The following UBAP2L variants were observed in gnomAD, a reference collection of about 807,000 sequenced individuals.
UBAP2L encodes ubiquitin-associated protein 2-like.
A neutral mutation model predicts 130.6 loss-of-function variants in UBAP2L; 12 were observed. The observed-to-expected ratio is 0.09, with a 90% CI of 0.06 to 0.15. UBAP2L has a LOEUF of 0.15. Ranked by LOEUF, UBAP2L falls within the 10% of genes least tolerant of loss-of-function variation. The probability of loss-of-function intolerance (pLI) is 1.00; values close to 1 mark genes in which losing one functional copy is unlikely to be tolerated. For missense variants in UBAP2L, 965 were observed against 1,332.5 expected, an observed-to-expected ratio of 0.72 and a Z score of 4.29; for synonymous variants, 503 against 524.7, an observed-to-expected ratio of 0.96 and a Z score of 0.57.
intron 4 of UBAP2L, among the ~76,000 whole-genome samples, chr1:154,230,270 A>C (rs1417013044): frequency 6.6e-6 from 1 of 152,182 alleles, no homozygotes; most frequent in Admixed American, 6.5e-5. Context: ...GCCTTCCAAA[A>C]TGTTAGGATT....
chr1:154,230,982 A>G (rs1232232182), intron 4 of UBAP2L, among the ~76,000 whole-genome samples: 1 of 152,226 alleles, frequency 6.6e-6, no homozygotes, highest in Non-Finnish European at 1.5e-5. Context: ...TTTTGAGTCT[A>G]GCTTCCAGAG....
At chr1:154,232,300 G>A (rs972425215) in intron 4 of UBAP2L, among the ~76,000 whole-genome samples, 1 of 151,050 alleles carries the variant, frequency 6.6e-6, no homozygotes, top group African/African-American at 2.4e-5. Flanking sequence ...CTCCAGCATG[G>A]TGACAAAGTG....
intron 5 of UBAP2L, 101 bp downstream of exon 5, chr1:154,234,860 T>C: frequency 1.3e-6 from 2 of 1,489,568 alleles, no homozygotes; most frequent in Non-Finnish European, 1.8e-6. Flanking sequence ...ACCATTATAT[T>C]ATCCTTTTGC....
chr1:154,221,471 C>T (rs1666050987), intron 1 of UBAP2L: 3 of 152,978 alleles, frequency 2.0e-5, no homozygotes, highest in Non-Finnish European at 2.9e-5. Context: ...CTGCGGGCCT[C>T]CTCTGATCCG....
At chr1:154,269,410 C>T in intron 26 of UBAP2L, 2 of 1,310,446 alleles carry the variant, frequency 1.5e-6, no homozygotes. Flanking sequence ...GCAGGAGGAG[C>T]AGGTAATGAA....
chr1:154,245,282 G>T (rs1675040020), intron 10 of UBAP2L, among the ~76,000 whole-genome samples: 1 of 152,036 alleles, frequency 6.6e-6, no homozygotes, highest in Non-Finnish European at 1.5e-5. Flanking sequence ...CCCCACCCTG[G>T]GCTACCTCAT....
At chr1:154,227,114 C>G (rs1256650328) in intron 2 of UBAP2L, among the ~76,000 whole-genome samples, 168 bp from the exon 3 acceptor site, 1 of 152,200 alleles carries the variant, frequency 6.6e-6, no homozygotes, top group African/African-American at 2.4e-5. Context: ...GAGCCACCAC[C>G]CGCACCTATC....
intron 2 of UBAP2L, among the ~76,000 whole-genome samples, chr1:154,225,948 G>A (rs539683352): frequency 1.3e-5 from 2 of 152,274 alleles, no homozygotes; most frequent in African/African-American, 4.8e-5. Context: ...TGAGTAGCTG[G>A]GATTACAGGA....
chr1:154,270,748 T>TC lies in UBAP2L; in HGVS notation c.*453_*454insC. On this transcript the variant is annotated 3_prime_UTR_variant, in exon 27 of 27. Coordinates refer to ENST00000428931, the MANE Select transcript of UBAP2L (RefSeq NM_014847.4). ...ATATGAACAGCATTGTCAGATGAATTAGTTGAAGTGGTTTTTTTTTTGTTT... is the reference window on the plus strand; with the variant it reads ...ATATGAACAGCATTGTCAGATGAATTCAGTTGAAGTGGTTTTTTTTTTGTTT... 7.0e-7 allele frequency: 1 copy of TC among 1,422,164 alleles called. No homozygotes were observed. Among genetic ancestry groups the TC allele is most frequent in the Non-Finnish European group, 9.1e-7 (1 of 1,094,358 alleles). The allele number at this position is 1,422,164 out of a possible 1,614,324, so 88.1% of individuals were successfully genotyped here.
At position 154,255,708 on chromosome 1, in the gene UBAP2L, C is replaced by T; in HGVS notation, c.2110C>T (p.Leu704Phe). 6.2e-7 allele frequency: 1 copy of T among 1,614,186 alleles called. No individual in the cohort carries two copies. The highest frequency in any genetic ancestry group is 2.2e-5 in the East Asian group (1 of 44,880). ...SSTLSTQQNT[L>F]SSSTSSGRTS... is the part of the protein sequence containing the mutation. ...CACGTTATCTACGCAGCAGAATACC[C>T]TTTCATCATCAACATCTTCTGGGCG... The change falls in exon 18 of 27, where the codon CTT (leucine) becomes TTT (phenylalanine). Residue 704 changes from leucine (L) to phenylalanine (F), a missense_variant. By Grantham distance (22) the Leu-to-Phe change is conservative (BLOSUM62 0). Coordinates refer to ENST00000428931, the MANE Select transcript of UBAP2L (RefSeq NM_014847.4).
At chr1:154,236,423 T>C in intron 6 of UBAP2L, 143 bp from the exon 7 acceptor site, 1 of 820,964 alleles carries the variant, frequency 1.2e-6, no homozygotes, top group South Asian at 1.6e-5. Flanking sequence ...GGTCTCGAAC[T>C]TCTGGATGCA....
intron 4 of UBAP2L, among the ~76,000 whole-genome samples, chr1:154,232,335 A>G (rs1670119100): frequency 1.3e-5 from 2 of 151,354 alleles, no homozygotes; most frequent in South Asian, 4.2e-4. Context: ...AAAAAAAAAA[A>G]AGGAAAGAAA....
chr1:154,270,520 T>G lies in UBAP2L; in HGVS notation c.*225T>G. ...TTTCTCCTTTTTTTTCCCCCTTCCA[T>G]TCCTTCTCCCCTCTTGCATTCAAGA... is the stretch of plus-strand genomic sequence containing the variant. On this transcript the variant is annotated 3_prime_UTR_variant, in exon 27 of 27. Transcript: ENST00000428931. 1.4e-6 allele frequency: 2 copies of G among 1,432,610 alleles called. No homozygotes were observed. The highest frequency in any genetic ancestry group is 2.6e-5 in the East Asian group (1 of 38,134). The allele number at this position is 1,432,610 out of a possible 1,614,324, so 88.7% of individuals were successfully genotyped here.
chr1:154,236,757 A>G, intron 7 of UBAP2L, 146 bp downstream of exon 7: 1 of 798,262 alleles, frequency 1.3e-6, no homozygotes, highest in Non-Finnish European at 2.1e-6. Flanking sequence ...AACCTTTACC[A>G]CCTGGATCAT....
At chr1:154,262,414 G>A (rs1401377782) in intron 24 of UBAP2L, among the ~76,000 whole-genome samples, 1 of 152,182 alleles carries the variant, frequency 6.6e-6, no homozygotes, top group Admixed American at 6.5e-5. Context: ...TACTTTTGGA[G>A]GACAGGGAGT....
chr1:154,249,424 A>G lies in UBAP2L; in HGVS notation c.1200A>G (p.Ser400=). The change falls in exon 12 of 27, where the codon TCA becomes TCG. Residue 400 remains serine (S), a synonymous_variant. Transcript: ENST00000428931. ...TGGGCTCGACGACACAATCCCCATC[A>G]CTGGTGCAGTATGGTGAGAAGATGG... ...WDMGSTTQSP[S]LVQYDLKNPS... is the part of the protein sequence containing the mutation. 6.2e-7 allele frequency: 1 copy of G among 1,614,066 alleles called. No homozygotes were observed. The highest frequency in any genetic ancestry group is 2.2e-5 in the East Asian group (1 of 44,886).
At chr1:154,259,690 A>G (rs1680883698) in intron 21 of UBAP2L, 1 of 589,592 alleles carries the variant, frequency 1.7e-6, no homozygotes, top group Non-Finnish European at 3.1e-6. Flanking sequence ...GAGGGTTGAA[A>G]ATATTGGTCC....
At position 154,263,377 on chromosome 1, in the gene UBAP2L, C is replaced by T. The variant is rs751674396; in HGVS notation, c.2902+1680C>T. The T allele has an allele frequency of 1.3e-5, 17 of 1,332,428 alleles. No homozygotes were observed. The Middle Eastern group carries it at 8.3e-4, about 65-fold the overall frequency. The allele number at this position is 1,332,428 out of a possible 1,614,324, so 82.5% of individuals were successfully genotyped here. A position where few individuals can be genotyped will look rare whatever the true frequency, so the allele number is the denominator to read the frequency against. ...CTGTCTTACCCATTTCAAGTTCAAG[C>T]GGTGCAGCACCTTCGAAGCATCAAT... On this transcript the variant is annotated intron_variant, in intron 24 of 26. Transcript: ENST00000428931.
At chr1:154,271,030 T>C, downstream of UBAP2L, 2 of 1,328,674 alleles carry the variant, frequency 1.5e-6, no homozygotes, top group Non-Finnish European at 1.0e-6. Context: ...TAGTATCTTG[T>C]CCTTGAGGGG....
Sources: allele counts gnomAD v4.1 joint callset (sites outside exome capture counted in the v4.1 genomes callset), GRCh38; gene constraint gnomAD v4.1.1; transcripts MANE v1.5; gene names NCBI Gene and HGNC (gene_info 2026-07-23, HGNC 2026-07-21).